GRIP1: variants seen among roughly 807,000 people sequenced by gnomAD.
GRIP1 encodes glutamate receptor interacting protein 1.
A neutral mutation model predicts 129.9 loss-of-function variants in GRIP1; 45 were observed. The ratio of observed to expected loss-of-function variants is 0.35; its 90% confidence interval spans 0.27 to 0.44. GRIP1 has a LOEUF of 0.44. Ranked by LOEUF, GRIP1 falls within the 20% of genes least tolerant of loss-of-function variation. GRIP1 has a pLI of 1.00. For synonymous variants in GRIP1, 530 were observed against 520.8 expected (o/e 1.02, Z -0.24); for missense variants, 1,196 against 1,396.8 (o/e 0.86, Z 2.29).
At chr12:66,352,717 T>C (rs1327929135) in intron 24 of GRIP1, among the ~76,000 whole-genome samples, 3 of 38,612 alleles carry the variant, frequency 7.8e-5, no homozygotes, top group Non-Finnish European at 7.8e-5. Flanking sequence ...TGAGACTCTG[T>C]CTCAAAAAAA....
At position 66,442,365 on chromosome 12, in the gene GRIP1, C is replaced by G. The variant is rs190815879; in HGVS notation, c.1687+2219G>C. Among the ~76,000 whole-genome samples the G allele has an allele frequency of 4.7e-3, 709 of 152,230 alleles. 5 individuals are homozygous for G. The highest frequency in any genetic ancestry group is 0.016 in the African/African-American group (675 of 41,536). Reference sequence around the variant, plus strand: ...CTCCCTTTCCCTAGCACGCCTCTTCCGAGAGCCTTACAAGGCTTACCCGTC... The same window carrying G: ...CTCCCTTTCCCTAGCACGCCTCTTCGGAGAGCCTTACAAGGCTTACCCGTC... On this transcript the variant is annotated intron_variant, in intron 13 of 24. Coordinates refer to ENST00000359742, the MANE Select transcript of GRIP1 (RefSeq NM_001366722.1).
At chr12:66,945,082 C>T (rs955260825) in intron 1 of GRIP1, among the ~76,000 whole-genome samples, 1 of 152,126 alleles carries the variant, frequency 6.6e-6, no homozygotes, top group East Asian at 1.9e-4. Flanking sequence ...TGTGAGCCAC[C>T]GTGCCCAGCC....
At chr12:66,939,203 T>C (rs1394229696) in intron 1 of GRIP1, among the ~76,000 whole-genome samples, 3 of 151,592 alleles carry the variant, frequency 2.0e-5, no homozygotes, top group Non-Finnish European at 2.9e-5. Flanking sequence ...TACAGTTAAT[T>C]GGCTGGGCAT....
chr12:66,354,697 C>G (rs901582645), intron 23 of GRIP1, among the ~76,000 whole-genome samples: 1 of 152,044 alleles, frequency 6.6e-6, no homozygotes, highest in African/African-American at 2.4e-5. Flanking sequence ...AAAACAAAAA[C>G]AAAAACAAAA....
chr12:66,775,671 T>A (rs1355003293), intron 1 of GRIP1, among the ~76,000 whole-genome samples: 1 of 151,674 alleles, frequency 6.6e-6, no homozygotes, highest in Non-Finnish European at 1.5e-5. Context: ...AAGATAAAAA[T>A]TTTAAATATA....
intron 14 of GRIP1, among the ~76,000 whole-genome samples, chr12:66,423,898 C>T (rs144863543): frequency 1.0e-3 from 154 of 152,260 alleles, no homozygotes; most frequent in African/African-American, 3.6e-3. Flanking sequence ...AAATTTCAAA[C>T]TCCTTGAAAT....
At chr12:66,645,419 T>C (rs112644242) in intron 1 of GRIP1, among the ~76,000 whole-genome samples, 7 of 152,362 alleles carry the variant, frequency 4.6e-5, no homozygotes, top group East Asian at 1.9e-4. Context: ...CTCTCATTCA[T>C]TGAGCTCCCA....
intron 1 of GRIP1, among the ~76,000 whole-genome samples, chr12:66,829,565 G>C (rs968355454): frequency 2.0e-5 from 3 of 152,120 alleles, no homozygotes; most frequent in African/African-American, 7.2e-5. Flanking sequence ...AACAGGAAAA[G>C]ACACTGTGTC....
intron 1 of GRIP1, among the ~76,000 whole-genome samples, chr12:66,811,218 A>G (rs1592868068): frequency 6.6e-6 from 1 of 152,234 alleles, no homozygotes; most frequent in East Asian, 1.9e-4. Context: ...CATATAGAAT[A>G]TGTTCATTCA....
At chr12:66,357,740 G>A (rs2054561661) in intron 23 of GRIP1, among the ~76,000 whole-genome samples, 1 of 152,112 alleles carries the variant, frequency 6.6e-6, no homozygotes, top group Admixed American at 6.5e-5. Flanking sequence ...TTACAAGAAG[G>A]GCAGAATGAA....
intron 1 of GRIP1, among the ~76,000 whole-genome samples, chr12:66,776,065 G>A (rs1329535778): frequency 1.3e-5 from 2 of 152,178 alleles, no homozygotes; most frequent in African/African-American, 4.8e-5. Context: ...TCCAAATCCA[G>A]TTGCAAATCA....
intron 1 of GRIP1, among the ~76,000 whole-genome samples, chr12:66,780,151 A>G (rs987774312): frequency 8.5e-5 from 13 of 152,202 alleles, no homozygotes; most frequent in Non-Finnish European, 1.8e-4. Flanking sequence ...CAACACATAC[A>G]TCAAACCCGG....
intron 1 of GRIP1, among the ~76,000 whole-genome samples, chr12:66,744,270 C>G (rs1204651293): frequency 6.6e-6 from 1 of 151,912 alleles, no homozygotes; most frequent in Non-Finnish European, 1.5e-5. Flanking sequence ...ATCTTCTATT[C>G]CTGAAAAAAA....
intron 1 of GRIP1, among the ~76,000 whole-genome samples, chr12:66,982,587 G>A (rs972391642): frequency 6.6e-6 from 1 of 152,116 alleles, no homozygotes; most frequent in Non-Finnish European, 1.5e-5. Context: ...GTAAGAAATG[G>A]GGAACTTTAC....
At chr12:66,463,161 T>A in intron 8 of GRIP1, 68 bp from the exon 9 acceptor site, 1 of 1,284,554 alleles carries the variant, frequency 7.8e-7, no homozygotes, top group Admixed American at 1.7e-5. Context: ...TTCATGTCCT[T>A]CATAGTTAAA....
At chr12:66,690,749 T>G (rs1336750120) in intron 1 of GRIP1, among the ~76,000 whole-genome samples, 3 of 149,840 alleles carry the variant, frequency 2.0e-5, no homozygotes, top group Non-Finnish European at 4.5e-5. Context: ...TTAATTTTTA[T>G]TAGAGACAAG....
intron 1 of GRIP1, among the ~76,000 whole-genome samples, chr12:66,843,648 C>A (rs1290617737): frequency 6.6e-5 from 10 of 152,130 alleles, no homozygotes; most frequent in Non-Finnish European, 2.9e-5. Flanking sequence ...CCCAAATAAA[C>A]CCTCATATAT....
intron 1 of GRIP1, among the ~76,000 whole-genome samples, chr12:66,998,647 A>G (rs1953128601): frequency 6.6e-6 from 1 of 152,064 alleles, no homozygotes; most frequent in African/African-American, 2.4e-5. Flanking sequence ...ACCTCATCTC[A>G]TTCTTCAAAG....
chr12:66,893,270 A>G (rs2137239369), intron 1 of GRIP1, among the ~76,000 whole-genome samples: 1 of 151,732 alleles, frequency 6.6e-6, no homozygotes, highest in Admixed American at 6.6e-5. Context: ...ATTTTTTGAG[A>G]AAGAGTCTGC....
Sources: allele counts gnomAD v4.1 joint callset (sites outside exome capture counted in the v4.1 genomes callset), GRCh38; gene constraint gnomAD v4.1.1; transcripts MANE v1.5; gene names NCBI Gene and HGNC (gene_info 2026-07-23, HGNC 2026-07-21).